The following SCFD2 variants were observed in gnomAD, a reference collection of about 807,000 sequenced individuals.
The protein encoded by SCFD2 is sec1 family domain-containing protein 2.
Under a neutral mutation model 58.9 loss-of-function variants are expected in SCFD2, and 54 were observed. That is an observed-to-expected ratio of 0.92 (90% CI 0.74 to 1.15). The LOEUF is 1.15. SCFD2 is among the 50% of genes most tolerant of loss of function. The pLI, the probability that SCFD2 is intolerant of heterozygous loss-of-function variation, is 0.00. For missense variants in SCFD2, 805 were observed against 836.6 expected (o/e 0.96, Z 0.47); for synonymous variants, 321 against 335.9 (o/e 0.96, Z 0.49).
intron 4 of SCFD2, among the ~76,000 whole-genome samples, chr4:53,260,377 AC>A (rs1186489035): frequency 6.6e-6 from 1 of 151,918 alleles, no homozygotes; most frequent in African/African-American, 2.4e-5. Context: ...GTCATGGACA[AC>A]CTTTATTACC....
intron 2 of SCFD2, among the ~76,000 whole-genome samples, chr4:53,332,345 T>C (rs1733507941): frequency 1.3e-5 from 2 of 151,662 alleles, no homozygotes; most frequent in East Asian, 1.9e-4. Flanking sequence ...GCAAAAATCC[T>C]CAATAAAATA....
At chr4:53,291,570 A>G (rs1243197949) in intron 3 of SCFD2, among the ~76,000 whole-genome samples, 5 of 152,112 alleles carry the variant, frequency 3.3e-5, no homozygotes, top group Non-Finnish European at 7.4e-5. Context: ...TATAGATTCA[A>G]TGTTATCCCC....
intron 4 of SCFD2, among the ~76,000 whole-genome samples, chr4:53,227,640 C>G (rs2149002216): frequency 6.6e-6 from 1 of 152,214 alleles, no homozygotes; most frequent in African/African-American, 2.4e-5. Context: ...AGTCTAAACC[C>G]TTTATTCCAA....
chr4:53,001,888 G>A (rs1367784857), intron 5 of SCFD2, among the ~76,000 whole-genome samples: 1 of 152,196 alleles, frequency 6.6e-6, no homozygotes, highest in African/African-American at 2.4e-5. Context: ...GGGTTTGAGA[G>A]TTTACATAAT....
intron 4 of SCFD2, among the ~76,000 whole-genome samples, chr4:53,248,052 G>T (rs961869827): frequency 3.9e-5 from 6 of 152,166 alleles, no homozygotes; most frequent in Admixed American, 6.5e-5. Flanking sequence ...GTGGGCGCAG[G>T]TCAGTGGGTG....
intron 6 of SCFD2, among the ~76,000 whole-genome samples, chr4:52,919,592 A>T (rs1250080946): frequency 6.6e-6 from 1 of 152,212 alleles, no homozygotes; most frequent in East Asian, 1.9e-4. Context: ...TATTATAGTC[A>T]GGGAGGAGGT....
At chr4:53,175,901 G>A (rs1035371347) in intron 4 of SCFD2, among the ~76,000 whole-genome samples, 1 of 152,090 alleles carries the variant, frequency 6.6e-6, no homozygotes, top group South Asian at 2.1e-4. Flanking sequence ...CCTAGTCCCT[G>A]ACTTCCTTAA....
At chr4:52,951,316 A>G (rs1720587719) in intron 5 of SCFD2, among the ~76,000 whole-genome samples, 1 of 152,224 alleles carries the variant, frequency 6.6e-6, no homozygotes, top group African/African-American at 2.4e-5. Context: ...GGAGAAGCAT[A>G]GAGAGGCAGA....
chr4:53,190,229 A>G (rs1727851783), intron 4 of SCFD2, among the ~76,000 whole-genome samples: 1 of 152,088 alleles, frequency 6.6e-6, no homozygotes, highest in African/African-American at 2.4e-5. Flanking sequence ...CTACTTGACT[A>G]CTGAGAAACA....
rs988594611 is a variant in SCFD2 at position 52,880,301 on chromosome 4, T to A, written c.1962+5446A>T. Among the ~76,000 whole-genome samples, 10 of 151,180 alleles carry A rather than the reference T, an allele frequency of 6.6e-5. No individual in the cohort carries two copies. In the East Asian group the frequency reaches 1.8e-3, roughly 27 times the overall value. ...TGTGCAAAACTATTTTTTTTTTTTT[T>A]AATTATTGTGTCTTCACTAAATATT... On this transcript the variant is annotated intron_variant, in intron 8 of 8. Transcript: ENST00000401642.
chr4:53,121,432 C>A (rs1469822824), intron 5 of SCFD2, among the ~76,000 whole-genome samples: 1 of 152,128 alleles, frequency 6.6e-6, no homozygotes, highest in Non-Finnish European at 1.5e-5. Context: ...AGTTTGGGCT[C>A]CAAATGAAAG....
intron 4 of SCFD2, among the ~76,000 whole-genome samples, chr4:53,252,706 T>C (rs1030373334): frequency 2.0e-5 from 3 of 152,178 alleles, no homozygotes; most frequent in Non-Finnish European, 4.4e-5. Flanking sequence ...AACTGGATCC[T>C]TTCCTTACAC....
chr4:52,905,991 AAC>A (rs1190685466), intron 7 of SCFD2, among the ~76,000 whole-genome samples: 1 of 152,230 alleles, frequency 6.6e-6, no homozygotes, highest in African/African-American at 2.4e-5. Flanking sequence ...ACTGTAAAGA[AAC>A]AATCAAATTT....
intron 4 of SCFD2, among the ~76,000 whole-genome samples, chr4:53,246,502 T>C (rs1450959052): frequency 6.6e-6 from 1 of 152,028 alleles, no homozygotes; most frequent in African/African-American, 2.4e-5. Flanking sequence ...AACAGACACA[T>C]AGACCAATGG....
Position 53,260,022 on chromosome 4 carries a change from C to T in SCFD2, c.1311+13804G>A, listed in dbSNP as rs116532108. Among the ~76,000 whole-genome samples the T allele has an allele frequency of 8.5e-3, 1,278 of 149,740 alleles. 18 individuals are homozygous for T. The highest frequency in any genetic ancestry group is 0.027 in the Middle Eastern group (8 of 292). ...TTCTTGATTTGCTTCTCAGCTTGGT[C>T]GCTGCTGGTGTATAGCAAGGTATAT... On this transcript the variant is annotated intron_variant, in intron 4 of 8. Transcript: ENST00000401642.
rs1432561326 is a variant in SCFD2 at position 52,907,542 on chromosome 4, G to A, written c.1757C>T (p.Pro586Leu). ...AATATCAACGGAATCTGGCCTCTCG[G>A]GATGAAATATTTCCTCCACAACTTG... ...LKQVVEEIFH[P>L]ERPDSVDIEH... Residue 586 changes from proline (P) to leucine (L), a missense_variant, in exon 7 of 9, where the codon CCC becomes CTC. Around this residue, in one of 3 missense-constraint regions of SCFD2, gnomAD observed 633 missense variants for 646.8 expected, o/e 0.98. Transcript: ENST00000401642. The A allele has an allele frequency of 6.2e-7, 1 of 1,613,932 alleles. No individual in the cohort carries two copies. The highest frequency in any genetic ancestry group is 8.5e-7 in the Non-Finnish European group (1 of 1,179,888).
chr4:53,238,780 GCTC>G (rs1229357800), intron 4 of SCFD2, among the ~76,000 whole-genome samples: 23 of 151,052 alleles, frequency 1.5e-4, no homozygotes, highest in Non-Finnish European at 2.8e-4. Flanking sequence ...GGGCAGAGAC[GCTC>G]CTCACTTCCT....
intron 5 of SCFD2, among the ~76,000 whole-genome samples, chr4:53,060,206 G>A (rs1445740775): frequency 3.3e-5 from 5 of 152,118 alleles, no homozygotes; most frequent in Non-Finnish European, 5.9e-5. Context: ...CATTATGTCA[G>A]AGTGCTAAGG....
At chr4:53,048,858 A>G (rs1723113952) in intron 5 of SCFD2, among the ~76,000 whole-genome samples, 2 of 152,016 alleles carry the variant, frequency 1.3e-5, no homozygotes, top group Admixed American at 1.3e-4. Context: ...ATTTCCTGTC[A>G]TCTGTCAGGT....
Sources: allele counts gnomAD v4.1 joint callset (sites outside exome capture counted in the v4.1 genomes callset), GRCh38; gene constraint gnomAD v4.1.1; regional missense constraint gnomAD v4.1.1; transcripts MANE v1.5; gene names NCBI Gene and HGNC (gene_info 2026-07-23, HGNC 2026-07-21).